The following CDYL variants were observed in gnomAD, a reference collection of about 807,000 sequenced individuals.
The protein encoded by CDYL is chromodomain Y like.
A neutral mutation model predicts 47.3 loss-of-function variants in CDYL; 8 were observed. That is an observed-to-expected ratio of 0.17 (90% CI 0.10 to 0.31). The LOEUF is 0.31. Ranked by LOEUF, CDYL falls within the 10% of genes least tolerant of loss-of-function variation. The probability of loss-of-function intolerance (pLI) is 1.00; values close to 1 mark genes in which losing one functional copy is unlikely to be tolerated. For missense variants in CDYL, 471 were observed against 701.4 expected (o/e 0.67, Z 3.71); for synonymous variants, 266 against 265.0 (o/e 1.00, Z -0.04).
intron 1 of CDYL, among the ~76,000 whole-genome samples, chr6:4,799,955 T>C (rs971877771): frequency 3.3e-5 from 5 of 152,202 alleles, no homozygotes; most frequent in African/African-American, 1.2e-4. Flanking sequence ...GTAATACTTT[T>C]CGAAGTCTAC....
chr6:4,819,162 C>CTCTCTCTCTCTGTGTGTGTG (rs1016051589), intron 1 of CDYL, among the ~76,000 whole-genome samples: 10 of 112,000 alleles, frequency 8.9e-5, no homozygotes, highest in African/African-American at 4.8e-4. Context: ...CTCTCTCTCT[C>CTCTCTCTCTCTGTGTGTGTG]TGTGTGTGTG....
intron 2 of CDYL, among the ~76,000 whole-genome samples, chr6:4,726,198 C>G (rs1313528856): frequency 1.3e-5 from 2 of 152,084 alleles, no homozygotes; most frequent in Non-Finnish European, 2.9e-5. Context: ...AACTTGAATT[C>G]AGGAGTTCAA....
intron 1 of CDYL, among the ~76,000 whole-genome samples, chr6:4,829,465 T>C (rs1241961439): frequency 6.6e-6 from 1 of 152,208 alleles, no homozygotes; most frequent in Admixed American, 6.5e-5. Flanking sequence ...GACTCCAGGT[T>C]TGCATTGAGC....
At chr6:4,757,074 C>G (rs1219160610) in intron 3 of CDYL, among the ~76,000 whole-genome samples, 1 of 152,150 alleles carries the variant, frequency 6.6e-6, no homozygotes, top group Non-Finnish European at 1.5e-5. Flanking sequence ...AACTGATTGA[C>G]ATGAATAAAT....
At chr6:4,795,847 C>T (rs1759056848) in intron 1 of CDYL, among the ~76,000 whole-genome samples, 1 of 151,960 alleles carries the variant, frequency 6.6e-6, no homozygotes. Flanking sequence ...ACATTGAGCT[C>T]GTATTGTTCT....
rs117932887 is a variant in CDYL, at chr6:4,883,626, A to G, written c.25-8087A>G. Among the ~76,000 whole-genome samples the G allele has an allele frequency of 3.7e-4, 57 of 152,346 alleles. No homozygotes were observed. The East Asian group carries it at 8.9e-3, about 24-fold the overall frequency. On this transcript the variant is annotated intron_variant, in intron 1 of 6. Transcript: ENST00000397588. ...GGCAGTTCTTCCAAAAACAAGGGCA[A>G]GACTCAGTGATTGAACTGAGCTGTA...
chr6:4,913,451 G>A (rs1015187529), intron 2 of CDYL, among the ~76,000 whole-genome samples: 3 of 152,188 alleles, frequency 2.0e-5, no homozygotes, highest in Non-Finnish European at 1.5e-5. Flanking sequence ...CATAGAGAAT[G>A]GTGGCTCGTA....
intron 1 of CDYL, among the ~76,000 whole-genome samples, chr6:4,874,293 T>C (rs760395036): frequency 3.3e-5 from 5 of 152,190 alleles, no homozygotes; most frequent in Non-Finnish European, 4.4e-5. Flanking sequence ...GCCTCTTATT[T>C]ACAGCTTGTC....
intron 2 of CDYL, among the ~76,000 whole-genome samples, chr6:4,902,191 G>T (rs1425254893): frequency 6.6e-6 from 1 of 151,916 alleles, no homozygotes; most frequent in African/African-American, 2.4e-5. Flanking sequence ...CTGAAGTCTG[G>T]AGTTCGAGAC....
rs200495562 is a variant in CDYL at position 4,733,381 on chromosome 6, A to T, written c.104-1381A>T. ...TTGGATTAAAAAGTTACATGTTTTT[A>T]AAAAAATGAAACCGTAAAAATGTAT... On this transcript the variant is annotated intron_variant, in intron 2 of 8. Coordinates refer to the CDYL transcript ENST00000328908. 6 of 152,060 alleles carry T rather than the reference A, an allele frequency of 3.9e-5. No homozygotes were observed. In the East Asian group the frequency reaches 5.8e-4, roughly 15 times the overall value. 9.4% of individuals were successfully genotyped at this position (152,060 alleles called of 1,614,324 possible).
At chr6:4,929,465 C>G (rs1351862414) in intron 2 of CDYL, among the ~76,000 whole-genome samples, 1 of 147,370 alleles carries the variant, frequency 6.8e-6, no homozygotes, top group Non-Finnish European at 1.5e-5. Flanking sequence ...GGAAAACTTT[C>G]CACTATTATT....
intron 1 of CDYL, among the ~76,000 whole-genome samples, chr6:4,783,431 T>C (rs903764257): frequency 6.6e-6 from 1 of 151,736 alleles, no homozygotes; most frequent in Non-Finnish European, 1.5e-5. Context: ...TTTTTTTTTT[T>C]TTGAGGTGGC....
chr6:4,909,125 G>C (rs1304397103), intron 2 of CDYL, among the ~76,000 whole-genome samples: 1 of 152,210 alleles, frequency 6.6e-6, no homozygotes, highest in African/African-American at 2.4e-5. Flanking sequence ...TTGTTGCTCT[G>C]TGAGAATGAG....
chr6:4,840,518 G>A (rs898335738), intron 1 of CDYL, among the ~76,000 whole-genome samples: 1 of 152,130 alleles, frequency 6.6e-6, no homozygotes, highest in Non-Finnish European at 1.5e-5. Flanking sequence ...TCACCATTCA[G>A]TGTTATGTTG....
At chr6:4,780,153 C>T (rs1253489556) in intron 1 of CDYL, among the ~76,000 whole-genome samples, 6 of 151,880 alleles carry the variant, frequency 4.0e-5, no homozygotes, top group Non-Finnish European at 8.8e-5. Context: ...GTATTTCTAA[C>T]TTTCATCCCA....
intron 2 of CDYL, among the ~76,000 whole-genome samples, chr6:4,907,475 G>C (rs1757275194): frequency 6.6e-6 from 1 of 152,140 alleles, no homozygotes; most frequent in Non-Finnish European, 1.5e-5. Flanking sequence ...ATCCACCTCA[G>C]CTTTCCAAGT....
At position 4,892,398 on chromosome 6, in the gene CDYL, G is replaced by A; in HGVS notation, c.691+19G>A. 1 of 1,580,386 alleles carries A rather than the reference G, an allele frequency of 6.3e-7. No individual in the cohort carries two copies. The highest frequency in any genetic ancestry group is 8.6e-7 in the Non-Finnish European group (1 of 1,162,602). On this transcript the variant is annotated intron_variant, in intron 2 of 6. Transcript: ENST00000397588. ...GGGAAAGGTGAGTGTCTAGGGAGCTGCTCAGGCTCCGTGGTGATCCCAGAG... is the reference window on the plus strand; with the variant it reads ...GGGAAAGGTGAGTGTCTAGGGAGCTACTCAGGCTCCGTGGTGATCCCAGAG...
intron 1 of CDYL, among the ~76,000 whole-genome samples, chr6:4,833,963 G>A (rs1457183155): frequency 2.6e-5 from 4 of 151,506 alleles, no homozygotes; most frequent in Admixed American, 2.0e-4. Context: ...GAGCCTATGT[G>A]TGTCTCTGCA....
intron 3 of CDYL, among the ~76,000 whole-genome samples, chr6:4,741,168 T>A (rs1279580656): frequency 6.6e-6 from 1 of 152,170 alleles, no homozygotes; most frequent in Non-Finnish European, 1.5e-5. Context: ...TCTAATTCAG[T>A]CTAACCCTGG....
Sources: allele counts gnomAD v4.1 joint callset (sites outside exome capture counted in the v4.1 genomes callset), GRCh38; gene constraint gnomAD v4.1.1; transcripts MANE v1.5; gene names NCBI Gene and HGNC (gene_info 2026-07-23, HGNC 2026-07-21).